FSTL5: variants seen among roughly 807,000 people sequenced by gnomAD.
FSTL5 encodes the protein follistatin like 5.
In FSTL5, 62 loss-of-function variants were observed where a neutral mutation model predicts 89.1. That is an observed-to-expected ratio of 0.70 (90% confidence interval 0.57 to 0.86). The LOEUF is 0.86. Ranked by LOEUF, FSTL5 falls within the 40% of genes least tolerant of loss-of-function variation. The probability of loss-of-function intolerance (pLI) is 0.00; values close to 1 mark genes in which losing one functional copy is unlikely to be tolerated. For synonymous variants in FSTL5, 383 were observed against 346.2 expected, an observed-to-expected ratio of 1.11 and a Z score of -1.18; for missense variants, 1,057 against 1,001.6, an observed-to-expected ratio of 1.06 and a Z score of -0.75.
chr4:161,768,671 G>GT (rs1345691802), intron 5 of FSTL5, among the ~76,000 whole-genome samples: 17 of 151,876 alleles, frequency 1.1e-4, no homozygotes, highest in Middle Eastern at 3.4e-3. Context: ...GCAAATGGAT[G>GT]TTTTTTTCAG....
chr4:161,514,958 T>C (rs1316897240), intron 10 of FSTL5, among the ~76,000 whole-genome samples: 1 of 152,042 alleles, frequency 6.6e-6, no homozygotes, highest in Non-Finnish European at 1.5e-5. Context: ...ATAGAAAGTG[T>C]AGCAAATTAA....
intron 15 of FSTL5, among the ~76,000 whole-genome samples, chr4:161,403,813 A>T (rs950946688): frequency 1.3e-5 from 2 of 152,222 alleles, no homozygotes; most frequent in Non-Finnish European, 2.9e-5. Context: ...TCAAAGGTCT[A>T]TCTGGGCACA....
At chr4:161,441,299 G>A (rs752394190) in intron 15 of FSTL5, among the ~76,000 whole-genome samples, 2 of 151,904 alleles carry the variant, frequency 1.3e-5, no homozygotes, top group South Asian at 2.1e-4. Context: ...AAATTAAACC[G>A]AATGAACAAG....
chr4:161,721,975 T>C (rs1739235002), intron 6 of FSTL5, among the ~76,000 whole-genome samples: 1 of 152,296 alleles, frequency 6.6e-6, no homozygotes, highest in African/African-American at 2.4e-5. Flanking sequence ...AAAGGCTATC[T>C]AGTGAATTAA....
At chr4:161,624,943 T>C (rs1026963725) in intron 7 of FSTL5, among the ~76,000 whole-genome samples, 11 of 152,170 alleles carry the variant, frequency 7.2e-5, no homozygotes, top group African/African-American at 2.7e-4. Flanking sequence ...GTGAACAATA[T>C]GTAAACCCTT....
At chr4:161,502,498 G>T (rs1182713888) in intron 11 of FSTL5, among the ~76,000 whole-genome samples, 1 of 151,736 alleles carries the variant, frequency 6.6e-6, no homozygotes, top group African/African-American at 2.4e-5. Flanking sequence ...AATTCTTAGT[G>T]CTTATGAAAC....
intron 6 of FSTL5, among the ~76,000 whole-genome samples, chr4:161,706,175 C>G (rs1738573641): frequency 6.6e-6 from 1 of 150,824 alleles, no homozygotes; most frequent in South Asian, 2.1e-4. Context: ...CCTTTTGAGA[C>G]TTAACTGCAT....
At chr4:161,703,901 CAAAT>C (rs879595205) in intron 6 of FSTL5, among the ~76,000 whole-genome samples, 2 of 152,074 alleles carry the variant, frequency 1.3e-5, no homozygotes, top group Non-Finnish European at 1.5e-5. Context: ...GTTAAAAACA[CAAAT>C]AAAGTTTCAT....
At chr4:161,515,426 C>T (rs1217346067) in intron 10 of FSTL5, among the ~76,000 whole-genome samples, 2 of 151,948 alleles carry the variant, frequency 1.3e-5, no homozygotes, top group East Asian at 1.9e-4. Flanking sequence ...AGGCTGATCT[C>T]GAACTCCTGA....
chr4:161,541,293 T>C (rs1413369840), intron 9 of FSTL5, among the ~76,000 whole-genome samples: 2 of 152,118 alleles, frequency 1.3e-5, no homozygotes, highest in African/African-American at 4.8e-5. Flanking sequence ...TTTCAAATGT[T>C]GAGTCTGGAG....
intron 4 of FSTL5, among the ~76,000 whole-genome samples, chr4:161,835,573 C>A (rs1351760387): frequency 6.6e-6 from 1 of 151,890 alleles, no homozygotes; most frequent in African/African-American, 2.4e-5. Flanking sequence ...GGGCTAATAG[C>A]CAGAATCTAC....
intron 1 of FSTL5, among the ~76,000 whole-genome samples, chr4:162,147,820 T>C (rs1483707566): frequency 6.6e-6 from 1 of 151,650 alleles, no homozygotes; most frequent in Non-Finnish European, 1.5e-5. Context: ...AGACCAGACG[T>C]TGGTGAAACC....
In FSTL5 at chr4:162,121,332, G is replaced by C. The variant is rs28494493; in HGVS notation, c.-16-9920C>G. The stretch of plus-strand genomic sequence containing the variant: ...CTTATATACTAATATCTCAAATTTA[G>C]GTCCAAAAAAGCAATACAACATATA... On this transcript the variant is annotated intron_variant, in intron 1 of 15. Coordinates refer to ENST00000306100, the MANE Select transcript of FSTL5 (RefSeq NM_020116.5). Among the ~76,000 whole-genome samples the C allele has an allele frequency of 9.7e-3, 1,469 of 151,824 alleles. 25 individuals are homozygous for C. Among genetic ancestry groups the C allele is most frequent in the African/African-American group, 0.033 (1,352 of 41,450 alleles).
In FSTL5 at chr4:161,529,458, T is replaced by C. The variant is rs1043132607; in HGVS notation, c.1312+8708A>G. Among the ~76,000 whole-genome samples the C allele has an allele frequency of 1.4e-5, 2 of 142,414 alleles. 1 individual carries two copies. Among genetic ancestry groups the C allele is most frequent in the African/African-American group, 5.0e-5 (2 of 39,980 alleles). 93.4% of individuals were successfully genotyped at this position (142,414 alleles called of 152,430 possible). A position where few individuals can be genotyped will look rare whatever the true frequency, so the allele number is the denominator to read the frequency against. On this transcript the variant is annotated intron_variant, in intron 10 of 15. Transcript: ENST00000306100. ...AAGTTTATAAAATAATAAATGCTTATCAAGCATGGTTAACTTCGACATGAC... is the reference window on the plus strand; with the variant it reads ...AAGTTTATAAAATAATAAATGCTTACCAAGCATGGTTAACTTCGACATGAC...
chr4:161,501,049 A>C (rs2126485487), intron 11 of FSTL5, among the ~76,000 whole-genome samples: 1 of 152,228 alleles, frequency 6.6e-6, no homozygotes, highest in Admixed American at 6.6e-5. Flanking sequence ...TGGTTTACAC[A>C]GTCAAATTTA....
intron 7 of FSTL5, among the ~76,000 whole-genome samples, chr4:161,598,094 G>T (rs1734092750): frequency 6.6e-6 from 1 of 152,084 alleles, no homozygotes; most frequent in South Asian, 2.1e-4. Flanking sequence ...CTTGTTGGCT[G>T]GGCACAATAG....
intron 3 of FSTL5, among the ~76,000 whole-genome samples, chr4:161,975,691 C>T (rs1354093252): frequency 6.7e-6 from 1 of 149,974 alleles, no homozygotes. Flanking sequence ...CAGCATGGCA[C>T]ATGTATACAT....
At chr4:161,658,434 G>A (rs1194884715) in intron 6 of FSTL5, among the ~76,000 whole-genome samples, 3 of 151,770 alleles carry the variant, frequency 2.0e-5, no homozygotes, top group East Asian at 3.9e-4. Context: ...ACTCCAGCCT[G>A]TGTGTCGCAG....
intron 8 of FSTL5, among the ~76,000 whole-genome samples, chr4:161,567,003 A>G (rs1732838965): frequency 6.6e-6 from 1 of 152,144 alleles, no homozygotes; most frequent in Non-Finnish European, 1.5e-5. Context: ...TCAATGAATG[A>G]AATCAAATTT....
Sources: gnomAD v4.1 joint callset for allele counts (sites outside exome capture counted in the v4.1 genomes callset) on GRCh38, gnomAD v4.1.1 for gene constraint, MANE v1.5 for transcripts, NCBI Gene and HGNC (gene_info 2026-07-23, HGNC 2026-07-21) for gene names.